SEMA3C: variants seen among roughly 807,000 people sequenced by gnomAD.
The protein encoded by SEMA3C is semaphorin 3C, also known as semaphorin-3C.
A neutral mutation model predicts 89.4 loss-of-function variants in SEMA3C; 47 were observed. The ratio of observed to expected loss-of-function variants is 0.53; its 90% CI spans 0.42 to 0.67. SEMA3C has a LOEUF of 0.67. SEMA3C is among the 30% of genes least tolerant of loss of function. The pLI is 0.00. For synonymous variants in SEMA3C, 310 were observed against 320.2 expected (o/e 0.97, Z 0.34); for missense variants, 839 against 929.1 (o/e 0.90, Z 1.26).
chr7:80,844,809 C>T (rs1412317669), intron 2 of SEMA3C, among the ~76,000 whole-genome samples: 1 of 152,126 alleles, frequency 6.6e-6, no homozygotes, highest in Non-Finnish European at 1.5e-5. Flanking sequence ...TCAGTGCAAA[C>T]TCGACCATCA....
At chr7:80,811,810 A>G (rs1405733251) in intron 5 of SEMA3C, among the ~76,000 whole-genome samples, 1 of 152,162 alleles carries the variant, frequency 6.6e-6, no homozygotes, top group African/African-American at 2.4e-5. Context: ...TCCAGAGATT[A>G]GGAGGTAATA....
At chr7:80,894,273 C>A (rs1791681796) in intron 2 of SEMA3C, among the ~76,000 whole-genome samples, 3 of 151,962 alleles carry the variant, frequency 2.0e-5, no homozygotes, top group African/African-American at 7.3e-5. Flanking sequence ...AAAGAAAACA[C>A]AGTAAGTTAG....
chr7:80,861,376 G>C (rs1790767490), intron 2 of SEMA3C, among the ~76,000 whole-genome samples: 1 of 151,972 alleles, frequency 6.6e-6, no homozygotes, highest in African/African-American at 2.4e-5. Flanking sequence ...CCACTTAATA[G>C]CATGATATTA....
At chr7:80,799,925 G>T (rs941583579) in intron 10 of SEMA3C, among the ~76,000 whole-genome samples, 1 of 151,200 alleles carries the variant, frequency 6.6e-6, no homozygotes, top group Non-Finnish European at 1.5e-5. Flanking sequence ...GCTGAGGCTG[G>T]CGGATCACGA....
At position 80,866,047 on chromosome 7, in the gene SEMA3C, G is replaced by A. The variant is rs927900918; in HGVS notation, c.104-37302C>T. On this transcript the variant is annotated intron_variant, in intron 2 of 17. Coordinates refer to ENST00000265361, the MANE Select transcript of SEMA3C (RefSeq NM_006379.5). Reference sequence around the variant, plus strand: ...TTGCATAAAGTATTAAATAAGCATCGTTTAAATAACCTTTATGTAAATATT... The same window carrying A: ...TTGCATAAAGTATTAAATAAGCATCATTTAAATAACCTTTATGTAAATATT... Among the ~76,000 whole-genome samples the A allele has an allele frequency of 2.6e-5, 4 of 152,196 alleles. No homozygotes were observed. In the South Asian group the frequency reaches 6.2e-4, roughly 24 times the overall value.
intron 15 of SEMA3C, among the ~76,000 whole-genome samples, chr7:80,757,214 TG>T (rs1343946232): frequency 6.6e-6 from 1 of 152,234 alleles, no homozygotes; most frequent in Non-Finnish European, 1.5e-5. Context: ...TTGGTGCTCA[TG>T]GCTGCTACTA....
chr7:80,848,021 T>A (rs1277606209), intron 2 of SEMA3C, among the ~76,000 whole-genome samples: 1 of 152,236 alleles, frequency 6.6e-6, no homozygotes, highest in Non-Finnish European at 1.5e-5. Flanking sequence ...ACGTATAATA[T>A]GCTGCTCCTT....
intron 16 of SEMA3C, among the ~76,000 whole-genome samples, chr7:80,750,473 T>TATATATATATATATACACACAC (rs869227686): frequency 1.8e-5 from 1 of 55,436 alleles, no homozygotes; most frequent in East Asian, 4.6e-4. Flanking sequence ...TATATATATA[T>TATATATATATATATACACACAC]ACACACACAC....
In SEMA3C at chr7:80,909,353, T is replaced by C. The variant is rs374641934; in HGVS notation, c.103+7326A>G. ...ACTCCCTGAGTTTATCTATTCCATA[T>C]AGACTAGAGACTTTACATTAGCCAT... On this transcript the variant is annotated intron_variant, in intron 2 of 17. Coordinates refer to ENST00000265361, the MANE Select transcript of SEMA3C (RefSeq NM_006379.5). Among the ~76,000 whole-genome samples, 180 of 152,284 alleles carry C rather than the reference T, an allele frequency of 1.2e-3. 4 individuals are homozygous for C. In the South Asian group the frequency reaches 0.033, roughly 28 times the overall value.
At chr7:80,836,890 A>G (rs1474771171) in intron 2 of SEMA3C, among the ~76,000 whole-genome samples, 16 of 152,108 alleles carry the variant, frequency 1.1e-4, no homozygotes, top group Admixed American at 1.0e-3. Context: ...TTCATTCTCA[A>G]AAGATTCATG....
chr7:80,919,344 C>A, upstream of SEMA3C: 3 of 985,318 alleles, frequency 3.0e-6, no homozygotes, highest in Non-Finnish European at 3.6e-6. Flanking sequence ...CTGCTCCTTT[C>A]GCAGTCCGCG....
intron 12 of SEMA3C, among the ~76,000 whole-genome samples, chr7:80,784,399 A>G (rs1434857638): frequency 6.6e-6 from 1 of 152,098 alleles, no homozygotes; most frequent in African/African-American, 2.4e-5. Context: ...CAGTAGTATC[A>G]GGAATGGGTG....
At chr7:80,787,366 T>C (rs1266870547) in intron 12 of SEMA3C, among the ~76,000 whole-genome samples, 2 of 131,350 alleles carry the variant, frequency 1.5e-5, no homozygotes, top group East Asian at 2.3e-4. Flanking sequence ...CACTCCAGCC[T>C]GGGTGATAGA....
intron 12 of SEMA3C, among the ~76,000 whole-genome samples, chr7:80,774,119 T>C (rs751391218): frequency 6.6e-6 from 1 of 152,194 alleles, no homozygotes; most frequent in East Asian, 1.9e-4. Flanking sequence ...TTGAGTCCTG[T>C]AAAACTGGAG....
At position 80,744,329 on chromosome 7, in the gene SEMA3C, A is replaced by C. The variant is rs985564413; in HGVS notation, c.*565T>G. The C allele has an allele frequency of 6.6e-6, 1 of 152,572 alleles. No homozygotes were observed. Among genetic ancestry groups the C allele is most frequent in the East Asian group, 1.9e-4 (1 of 5,198 alleles). 9.5% of individuals were successfully genotyped at this position (152,572 alleles called of 1,614,324 possible). On this transcript the variant is annotated 3_prime_UTR_variant, in exon 18 of 18. Transcript: ENST00000265361. ...TGATTATTTTTACAATCTTAAAAAA[A>C]CCCCAACATATTTCATTGGAACCAT...
chr7:80,781,548 C>T (rs1389275115), intron 12 of SEMA3C, among the ~76,000 whole-genome samples: 2 of 152,170 alleles, frequency 1.3e-5, no homozygotes, highest in African/African-American at 2.4e-5. Flanking sequence ...GCAAAAACCG[C>T]CACCACAACT....
At chr7:80,836,703 CA>C (rs987391720) in intron 2 of SEMA3C, among the ~76,000 whole-genome samples, 7 of 151,768 alleles carry the variant, frequency 4.6e-5, no homozygotes, top group African/African-American at 1.7e-4. Context: ...AACAAACAAA[CA>C]AACAAACAAA....
Position 80,916,686 on chromosome 7 carries a change from T to A in SEMA3C, c.96A>T (p.Thr32=), listed in dbSNP as rs775150820. 1.2e-6 allele frequency: 2 copies of A among 1,610,804 alleles called. No individual in the cohort carries two copies. Among genetic ancestry groups the A allele is most frequent in the Non-Finnish European group, 1.7e-6 (2 of 1,179,056 alleles). Residue 32 remains threonine (T), a synonymous_variant, in exon 2 of 18, where the codon ACA becomes ACT. Coordinates refer to ENST00000265361, the MANE Select transcript of SEMA3C (RefSeq NM_006379.5). ...GTTTATCAACTCTCTTACCATCAAA[T>A]GTTAAATAAACTCTTGCTTGGGGCT... ...SSQPQARVYL[T]FDELRETKTS...
chr7:80,759,458 C>G (rs1788136651), intron 14 of SEMA3C, among the ~76,000 whole-genome samples: 1 of 152,158 alleles, frequency 6.6e-6, no homozygotes, highest in Non-Finnish European at 1.5e-5. Context: ...CTCAGCTCAC[C>G]TACAAATTTG....
Sources: allele counts gnomAD v4.1 joint callset (sites outside exome capture counted in the v4.1 genomes callset), GRCh38; gene constraint gnomAD v4.1.1; transcripts MANE v1.5; gene names NCBI Gene and HGNC (gene_info 2026-07-23, HGNC 2026-07-21).